SLC36A3: variants seen among roughly 807,000 people sequenced by gnomAD.
SLC36A3 encodes proton-coupled amino acid transporter 3.
A neutral mutation model predicts 44.3 loss-of-function variants in SLC36A3; 35 were observed. The ratio of observed to expected loss-of-function variants is 0.79; its 90% CI spans 0.60 to 1.05. The LOEUF is 1.05. Among genes scored for constraint, SLC36A3 ranks in the 50% least tolerant of loss-of-function variants. The pLI is 0.00. For missense variants in SLC36A3, 540 were observed against 578.7 expected, an observed-to-expected ratio of 0.93 and a Z score of 0.69; for synonymous variants, 211 against 227.6, an observed-to-expected ratio of 0.93 and a Z score of 0.66.
intron 4 of SLC36A3, 140 bp from the exon 5 acceptor site, chr5:151,288,610 T>A (rs1006099411): frequency 1.5e-6 from 1 of 677,418 alleles, no homozygotes; most frequent in Non-Finnish European, 2.3e-6. Flanking sequence ...GAAAAATTTT[T>A]AAGCCAAAAA....
chr5:151,299,973 G>A (rs10075811), intron 1 of SLC36A3, among the ~76,000 whole-genome samples: 9,843 of 152,202 alleles, frequency 0.065, 1,016 homozygotes, highest in African/African-American at 0.22. Context: ...GTTAGAAAGC[G>A]CATCCTTCAA....
intron 4 of SLC36A3, among the ~76,000 whole-genome samples, chr5:151,290,208 A>C (rs1754705864): frequency 6.6e-6 from 1 of 152,154 alleles, no homozygotes. Flanking sequence ...ATGTTCCTTT[A>C]CTTAGATTAT....
intron 2 of SLC36A3, chr5:151,296,516 A>T: frequency 1.8e-6 from 1 of 540,820 alleles, no homozygotes; most frequent in Non-Finnish European, 3.3e-6. Flanking sequence ...CTTCCCACAT[A>T]GCCCATGCAT....
intron 1 of SLC36A3, among the ~76,000 whole-genome samples, chr5:151,300,030 T>A (rs759764811): frequency 6.6e-6 from 1 of 152,170 alleles, no homozygotes; most frequent in Non-Finnish European, 1.5e-5. Flanking sequence ...CATGGGCTGG[T>A]TTAAGCAAGT....
chr5:151,283,128 C>T (rs1216974714), intron 8 of SLC36A3, among the ~76,000 whole-genome samples: 2 of 152,158 alleles, frequency 1.3e-5, no homozygotes, highest in African/African-American at 4.8e-5. Context: ...TCAGGTGATC[C>T]ACCCGCCTCA....
At chr5:151,283,920 G>T in intron 8 of SLC36A3, 124 bp downstream of exon 8, 1 of 1,240,300 alleles carries the variant, frequency 8.1e-7, no homozygotes, top group Non-Finnish European at 1.1e-6. Context: ...GAGCAGGAGA[G>T]ACATATGTCA....
intron 6 of SLC36A3, among the ~76,000 whole-genome samples, chr5:151,287,021 G>GTGA (rs1334881269): frequency 6.2e-4 from 91 of 146,540 alleles, no homozygotes; most frequent in African/African-American, 2.2e-3. Flanking sequence ...ATTATCCAAT[G>GTGA]TGACGATGAT....
intron 9 of SLC36A3, among the ~76,000 whole-genome samples, chr5:151,278,162 C>T (rs1754171609): frequency 6.6e-6 from 1 of 152,204 alleles, no homozygotes; most frequent in African/African-American, 2.4e-5. Context: ...TAGCCTTTGT[C>T]TAGAAGCAAG....
At chr5:151,289,850 C>G (rs2127263729) in intron 4 of SLC36A3, among the ~76,000 whole-genome samples, 1 of 152,228 alleles carries the variant, frequency 6.6e-6, no homozygotes, top group Non-Finnish European at 1.5e-5. Flanking sequence ...TGCCAGATCT[C>G]CTATTGGAAA....
chr5:151,294,190 C>G (rs1298917442), intron 3 of SLC36A3, among the ~76,000 whole-genome samples: 2 of 152,120 alleles, frequency 1.3e-5, no homozygotes, highest in African/African-American at 4.8e-5. Context: ...GATCTCTGGG[C>G]CCCAGTTTTC....
intron 6 of SLC36A3, 70 bp from the exon 7 acceptor site, chr5:151,284,781 A>T (rs1178571269): frequency 1.4e-5 from 18 of 1,246,480 alleles, no homozygotes; most frequent in Non-Finnish European, 1.1e-6. Flanking sequence ...TTTGCCTGGT[A>T]GAAAGCTGGG....
chr5:151,288,513 G>A, intron 4 of SLC36A3, 43 bp from the exon 5 acceptor site: 1 of 1,326,888 alleles, frequency 7.5e-7, no homozygotes, highest in Middle Eastern at 1.9e-4. Flanking sequence ...GGAAACAAAA[G>A]CTAAAATTAT....
chr5:151,280,865 TCACGTGGAA>T, intron 9 of SLC36A3, 140 bp downstream of exon 9: 1 of 783,000 alleles, frequency 1.3e-6, no homozygotes, highest in Non-Finnish European at 2.0e-6. Flanking sequence ...CCCTTTTTTT[TCACGTGGAA>T]AAATTGAGGT....
chr5:151,298,335 G>C lies in SLC36A3; in HGVS notation c.219+258C>G. 2 of 440,194 alleles carry C rather than the reference G, an allele frequency of 4.5e-6. 1 individual carries two copies. Among genetic ancestry groups the C allele is most frequent in the Non-Finnish European group, 8.3e-6 (2 of 241,638 alleles). The allele number at this position is 440,194 out of a possible 1,614,324, so 27.3% of individuals were successfully genotyped here. A position where few individuals can be genotyped will look rare whatever the true frequency, so the allele number is the denominator to read the frequency against. ...ATGAGCTGCATGTGATCCTAGGAGT[G>C]GGGAGGACTGCGGGGAGAATTGTGG... On this transcript the variant is annotated intron_variant, in intron 2 of 9. Transcript: ENST00000335230.
chr5:151,301,135 C>T (rs1225317139), intron 1 of SLC36A3, among the ~76,000 whole-genome samples: 1 of 152,176 alleles, frequency 6.6e-6, no homozygotes, highest in Non-Finnish European at 1.5e-5. Context: ...TTGCTTCTAA[C>T]CTTTAAGATG....
intron 1 of SLC36A3, among the ~76,000 whole-genome samples, chr5:151,299,225 G>A (rs1047852853): frequency 6.5e-5 from 6 of 92,390 alleles, no homozygotes; most frequent in South Asian, 4.2e-4. Flanking sequence ...TTGCTTGTGC[G>A]CTCTCTCTCT....
At chr5:151,300,075 C>G (rs545813450) in intron 1 of SLC36A3, among the ~76,000 whole-genome samples, 46 of 152,276 alleles carry the variant, frequency 3.0e-4, no homozygotes, top group Admixed American at 1.4e-3. Flanking sequence ...CAAAAGGGTA[C>G]CTTGAAGATG....
In SLC36A3 at chr5:151,292,450, G is replaced by A. The variant is rs1042892690; in HGVS notation, c.404+914C>T. ...AAATCTCTGCTCCACCCATATCAAT[G>A]TCCATGCCTTTGGATATGTTATTTT... On this transcript the variant is annotated intron_variant, in intron 4 of 9. Coordinates refer to ENST00000335230, the MANE Select transcript of SLC36A3 (RefSeq NM_181774.4). Among the ~76,000 whole-genome samples the A allele has an allele frequency of 3.3e-5, 5 of 152,078 alleles. No homozygotes were observed. The East Asian group carries it at 9.6e-4, about 29-fold the overall frequency.
intron 4 of SLC36A3, 45 bp downstream of exon 4, chr5:151,293,319 T>C: frequency 6.7e-7 from 1 of 1,492,782 alleles, no homozygotes; most frequent in Non-Finnish European, 9.2e-7. Flanking sequence ...AGAAAAGTGA[T>C]ATGATGATTT....
Sources: gnomAD v4.1 joint callset for allele counts (sites outside exome capture counted in the v4.1 genomes callset) on GRCh38, gnomAD v4.1.1 for gene constraint, MANE v1.5 for transcripts, NCBI Gene and HGNC (gene_info 2026-07-23, HGNC 2026-07-21) for gene names.